Variants in ICE2 observed in about 807,000 individuals in gnomAD.
The protein encoded by ICE2 is interactor of little elongation complex ELL subunit 2, also known as little elongation complex subunit 2.
Under a neutral mutation model 105.4 loss-of-function variants are expected in ICE2, and 87 were observed. The observed-to-expected ratio is 0.83, with a 90% CI of 0.69 to 0.99. ICE2 has a LOEUF of 0.99. ICE2 is among the 50% of genes least tolerant of loss of function. The pLI, the probability that ICE2 is intolerant of heterozygous loss-of-function variation, is 0.00. For missense variants in ICE2, 1,323 were observed against 1,146.7 expected (o/e 1.15, Z -2.22); for synonymous variants, 399 against 392.0 (o/e 1.02, Z -0.21).
intron 5 of ICE2, among the ~76,000 whole-genome samples, chr15:60,463,175 G>A (rs995584911): frequency 1.3e-5 from 2 of 152,126 alleles, no homozygotes; most frequent in African/African-American, 4.8e-5. Context: ...ATTCATTACA[G>A]GTTTACTGAG....
At position 60,468,334 on chromosome 15, in the gene ICE2, A is replaced by C. The variant is rs765244863; in HGVS notation, c.147-12T>G. On this transcript the variant is annotated splice_polypyrimidine_tract_variant and intron_variant, in intron 3 of 15. Transcript: ENST00000261520. ...TTTCTCCTATACGTCTGGAAAACAA[A>C]ATATAATTTACAAATATGTGCTTTT... The C allele has an allele frequency of 8.2e-6, 13 of 1,582,854 alleles. No individual in the cohort carries two copies. In the South Asian group the frequency reaches 1.5e-4, roughly 18 times the overall value.
intron 3 of ICE2, among the ~76,000 whole-genome samples, chr15:60,469,199 A>G (rs1473757072): frequency 6.6e-6 from 1 of 152,250 alleles, no homozygotes; most frequent in South Asian, 2.1e-4. Flanking sequence ...ACGCATGAAC[A>G]GAAAACCAAA....
At chr15:60,433,803 TTA>T (rs779698721) in intron 13 of ICE2, among the ~76,000 whole-genome samples, 91 of 149,490 alleles carry the variant, frequency 6.1e-4, no homozygotes, top group African/African-American at 6.1e-4. Flanking sequence ...CTCCTTTTTT[TTA>T]AAAAAAAAAA....
rs2141138363 is a variant in ICE2, at chr15:60,466,638, G to T, written c.484C>A (p.Gln162Lys). The change falls in exon 5 of 16, where the codon CAG becomes AAG. Residue 162 changes from glutamine (Q) to lysine (K), a missense_variant. Gln to Lys is a moderately conservative substitution (Grantham distance 53). Transcript: ENST00000261520. ...FLQNSAKKCA[Q>K]DYNMLSDDAR... ...TCATCAGAAAGCATATTATAATCCT[G>T]CGCACATTTCTTTGCAGAATTCTGC... 1 of 1,611,696 alleles carries T rather than the reference G, an allele frequency of 6.2e-7. No individual in the cohort carries two copies.
intron 3 of ICE2, among the ~76,000 whole-genome samples, chr15:60,472,863 T>C (rs975693011): frequency 6.6e-6 from 1 of 151,956 alleles, no homozygotes; most frequent in East Asian, 1.9e-4. Flanking sequence ...AAGATGAAGA[T>C]TAATACCTGA....
At chr15:60,443,651 G>A (rs1397072308) in intron 11 of ICE2, among the ~76,000 whole-genome samples, 2 of 152,164 alleles carry the variant, frequency 1.3e-5, no homozygotes, top group Non-Finnish European at 2.9e-5. Flanking sequence ...CAGTAGGTAA[G>A]GCCTCCAGTG....
chr15:60,454,919 T>G (rs963367540), intron 8 of ICE2, 84 bp downstream of exon 8: 1 of 1,253,058 alleles, frequency 8.0e-7, no homozygotes. Context: ...TGTGTTCTCA[T>G]TGTTCAACTC....
intron 13 of ICE2, among the ~76,000 whole-genome samples, chr15:60,435,705 G>C (rs1477299725): frequency 1.3e-5 from 2 of 152,122 alleles, no homozygotes; most frequent in African/African-American, 4.8e-5. Flanking sequence ...GCCAGGCATG[G>C]TGGTTCATGC....
intron 12 of ICE2, among the ~76,000 whole-genome samples, chr15:60,437,552 C>T (rs1005138831): frequency 2.0e-5 from 3 of 151,906 alleles, no homozygotes; most frequent in Non-Finnish European, 4.4e-5. Flanking sequence ...AGGCTGGTCT[C>T]GAACTCCTGA....
chr15:60,426,101 T>C (rs533646457), intron 15 of ICE2, among the ~76,000 whole-genome samples: 126 of 152,376 alleles, frequency 8.3e-4, no homozygotes, highest in Non-Finnish European at 1.4e-3. Context: ...ACACATGTAA[T>C]TGAACTGTTG....
intron 5 of ICE2, among the ~76,000 whole-genome samples, chr15:60,464,338 G>C (rs553915990): frequency 3.5e-5 from 4 of 114,630 alleles, no homozygotes; most frequent in African/African-American, 1.1e-4. Context: ...AAGACCACGA[G>C]TGAATAAAAC....
At chr15:60,440,810 A>C (rs567241293) in intron 12 of ICE2, 2 of 152,286 alleles carry the variant, frequency 1.3e-5, no homozygotes, top group East Asian at 3.9e-4. Flanking sequence ...ACAAACCAAA[A>C]TCCCACAACC....
At chr15:60,456,263 C>T (rs2064108599) in intron 6 of ICE2, among the ~76,000 whole-genome samples, 1 of 150,948 alleles carries the variant, frequency 6.6e-6, no homozygotes, top group South Asian at 2.1e-4. Flanking sequence ...TATACATGAG[C>T]CAGGTGCAGT....
intron 3 of ICE2, among the ~76,000 whole-genome samples, chr15:60,469,192 C>G (rs1411855540): frequency 2.0e-5 from 3 of 152,120 alleles, no homozygotes; most frequent in Non-Finnish European, 4.4e-5. Flanking sequence ...CAAACTAACG[C>G]ATGAACAGAA....
At position 60,468,195 on chromosome 15, in the gene ICE2, C is replaced by T. The variant is rs200052240; in HGVS notation, c.274G>A (p.Val92Ile). The T allele has an allele frequency of 6.2e-7, 1 of 1,614,080 alleles. No individual in the cohort carries two copies. The highest frequency in any genetic ancestry group is 2.2e-5 in the East Asian group (1 of 44,842). ...IGMVLLPKPRVPYPRFSRFSQ... is the reference protein window; with the variant it reads ...IGMVLLPKPRIPYPRFSRFSQ... ...AAACGAGAGAAACGAGGATAAGGAA[C>T]TCTTGGTTTTGGAAGAAGAACCATT... Residue 92 changes from valine to isoleucine, a missense_variant, in exon 4 of 16, where the codon GTT (valine) becomes ATT (isoleucine). By Grantham distance (29) the Val-to-Ile change is conservative. Coordinates refer to ENST00000261520, the MANE Select transcript of ICE2 (RefSeq NM_024611.6).
intron 1 of ICE2, chr15:60,478,700 G>A (rs1427204641): frequency 5.9e-6 from 2 of 341,842 alleles, no homozygotes; most frequent in Non-Finnish European, 1.2e-5. Flanking sequence ...CACCGAACGG[G>A]CCCGACCGGC....
In ICE2 at chr15:60,448,109, G is replaced by A. The variant is rs201144165; in HGVS notation, c.2156C>T (p.Thr719Ile). 1.7e-4 allele frequency: 282 copies of A among 1,612,426 alleles called. 3 individuals are homozygous for A. In the South Asian group the frequency reaches 2.9e-3, roughly 17 times the overall value. The change falls in exon 11 of 16, where the codon ACA becomes ATA. Residue 719 changes from threonine (T) to isoleucine (I), a missense_variant. Transcript: ENST00000261520. ...TTCCTGAGGAGCTAGGTATTCCGAT[G>A]TATCTTCAACATAGTCCTGAAGTTC... is the stretch of plus-strand genomic sequence containing the variant. Reference protein sequence around the residue: ...PYELQDYVEDTSEYLAPQEGN... With the variant: ...PYELQDYVEDISEYLAPQEGN...
At chr15:60,450,618 C>A (rs2063943149) in intron 9 of ICE2, among the ~76,000 whole-genome samples, 1 of 152,180 alleles carries the variant, frequency 6.6e-6, no homozygotes, top group South Asian at 2.1e-4. Flanking sequence ...ACTAGCCTTA[C>A]AGTTGAGGAT....
chr15:60,460,923 G>T (rs2064259051), intron 5 of ICE2, among the ~76,000 whole-genome samples: 1 of 152,042 alleles, frequency 6.6e-6, no homozygotes, highest in African/African-American at 2.4e-5. Context: ...TTTAGATTAG[G>T]GTTTCTCAAT....
Sources: allele counts gnomAD v4.1 joint callset (sites outside exome capture counted in the v4.1 genomes callset), GRCh38; gene constraint gnomAD v4.1.1; transcripts MANE v1.5; gene names NCBI Gene and HGNC (gene_info 2026-07-23, HGNC 2026-07-21).